Variants in RBM25 observed in about 807,000 individuals in gnomAD.
The protein encoded by RBM25 is RNA-binding protein 25.
RBM25 carries 19 observed loss-of-function variants against 120.7 expected under a neutral mutation model. That is an observed-to-expected ratio of 0.16 (90% CI 0.11 to 0.23). The LOEUF is 0.23. Ranked by LOEUF, RBM25 falls within the 10% of genes least tolerant of loss-of-function variation. RBM25 has a pLI of 1.00. For missense variants in RBM25, 605 were observed against 1,041.5 expected (o/e 0.58, Z 5.77); for synonymous variants, 390 against 326.7 (o/e 1.19, Z -2.09).
At chr14:73,095,075 C>G (rs548135416) in intron 6 of RBM25, among the ~76,000 whole-genome samples, 2 of 151,852 alleles carry the variant, frequency 1.3e-5, no homozygotes, top group Admixed American at 6.6e-5. Context: ...AGGCAGGTCT[C>G]GAACTCCTGA....
chr14:73,120,463 T>C lies in RBM25; in HGVS notation c.*658T>C, dbSNP rs1594941907. 6.5e-6 allele frequency: 1 copy of C among 152,686 alleles called. No individual in the cohort carries two copies. The highest frequency in any genetic ancestry group is 1.9e-4 in the East Asian group (1 of 5,202). 9.5% of individuals were successfully genotyped at this position (152,686 alleles called of 1,614,324 possible). On this transcript the variant is annotated 3_prime_UTR_variant, in exon 19 of 19. Coordinates refer to ENST00000261973, the MANE Select transcript of RBM25 (RefSeq NM_021239.3). ...CTGTTCCAACCTGAAATGTCTGTTATAATTAGGTTATTAGTTTCCCAGAGC... is the reference window on the plus strand; with the variant it reads ...CTGTTCCAACCTGAAATGTCTGTTACAATTAGGTTATTAGTTTCCCAGAGC...
intron 12 of RBM25, among the ~76,000 whole-genome samples, chr14:73,106,990 C>T (rs1394643752): frequency 6.6e-6 from 1 of 151,988 alleles, no homozygotes; most frequent in African/African-American, 2.4e-5. Context: ...CAGGCGTGTG[C>T]CACAACACCC....
intron 9 of RBM25, 54 bp from the exon 10 acceptor site, chr14:73,103,138 T>C: frequency 6.4e-7 from 1 of 1,562,486 alleles, no homozygotes. Flanking sequence ...CCGGGAAAAA[T>C]CTGAATACTG....
At chr14:73,093,955 T>C (rs989835883) in intron 6 of RBM25, among the ~76,000 whole-genome samples, 32 of 148,096 alleles carry the variant, frequency 2.2e-4, no homozygotes, top group Non-Finnish European at 3.1e-4. Flanking sequence ...TTTGTTTTTT[T>C]TTTTTTTTTT....
rs1896302515 is a variant in RBM25 at position 73,111,130 on chromosome 14, A to G, written c.1992A>G (p.Pro664=). Residue 664 remains proline (P), a synonymous_variant, in exon 15 of 19, where the codon CCA becomes CCG. Transcript: ENST00000261973. ...AACAGCAACCTGAGGAGCATAGGCC[A>G]AAAATAGGACTAAGTCTTAAACTGG... is the stretch of plus-strand genomic sequence containing the variant. ...PDQQQPEEHR[P]KIGLSLKLGA... The G allele has an allele frequency of 6.2e-7, 1 of 1,611,664 alleles. No individual in the cohort carries two copies. Among genetic ancestry groups the G allele is most frequent in the Admixed American group, 1.7e-5 (1 of 59,932 alleles).
chr14:73,096,983 T>C lies in RBM25; in HGVS notation c.612T>C (p.Asp204=). 1 of 1,613,658 alleles carries C rather than the reference T, an allele frequency of 6.2e-7. No homozygotes were observed. The highest frequency in any genetic ancestry group is 8.5e-7 in the Non-Finnish European group (1 of 1,179,900). ...TGGATGAAGAAACAAAGAGGAGAGA[T>C]CAGATGATTAAAGGGGCTATTGAAG... is the stretch of plus-strand genomic sequence containing the variant. ...EALDEETKRR[D]QMIKGAIEVL... The change falls in exon 7 of 19, where the codon GAT becomes GAC. Residue 204 remains aspartate, a synonymous_variant. Transcript: ENST00000261973.
Position 73,099,729 on chromosome 14 carries a change from C to T in RBM25, c.846C>T (p.Ser282=). The stretch of plus-strand genomic sequence containing the variant: ...GAGACCTGATATCTCGAGAGATCAG[C>T]AAATTCAGAGACACACATAAGGTAG... The part of the protein sequence containing the change: ...DKRDLISREI[S]KFRDTHKKLE... Residue 282 remains serine (S), a synonymous_variant, in exon 9 of 19, where the codon AGC becomes AGT. Coordinates refer to ENST00000261973, the MANE Select transcript of RBM25 (RefSeq NM_021239.3). The T allele has an allele frequency of 1.9e-6, 3 of 1,609,198 alleles. No individual in the cohort carries two copies. Among genetic ancestry groups the T allele is most frequent in the Non-Finnish European group, 1.7e-6 (2 of 1,178,826 alleles).
In RBM25 at chr14:73,109,235, C is replaced by G. The variant is rs530794890; in HGVS notation, c.1542-107C>G. ...AGAACATTAAGACATTCTTTAACCTCTTAGCATGCAGGTTGTAATGTTGAA... is the reference window on the plus strand; with the variant it reads ...AGAACATTAAGACATTCTTTAACCTGTTAGCATGCAGGTTGTAATGTTGAA... On this transcript the variant is annotated intron_variant, in intron 13 of 18. Transcript: ENST00000261973. 86 of 1,209,614 alleles carry G rather than the reference C, an allele frequency of 7.1e-5. No individual in the cohort carries two copies. The African/African-American group carries it at 1.2e-3, about 17-fold the overall frequency. The allele number at this position is 1,209,614 out of a possible 1,614,324, so 74.9% of individuals were successfully genotyped here. A position where few individuals can be genotyped will look rare whatever the true frequency, so the allele number is the denominator to read the frequency against.
intron 13 of RBM25, among the ~76,000 whole-genome samples, chr14:73,108,679 G>C (rs1224372309): frequency 6.6e-6 from 1 of 152,166 alleles, no homozygotes; most frequent in African/African-American, 2.4e-5. Context: ...TACAATCATA[G>C]TGAAGATATT....
chr14:73,078,745 C>T (rs1453303290), intron 4 of RBM25, among the ~76,000 whole-genome samples: 2 of 152,162 alleles, frequency 1.3e-5, no homozygotes, highest in Non-Finnish European at 2.9e-5. Context: ...GCTGGGATTA[C>T]AGGCGCGTGC....
At chr14:73,097,550 G>T (rs906215922) in intron 7 of RBM25, among the ~76,000 whole-genome samples, 1 of 151,960 alleles carries the variant, frequency 6.6e-6, no homozygotes, top group Non-Finnish European at 1.5e-5. Flanking sequence ...TTCTAGGCTG[G>T]TCTCCAACTC....
chr14:73,063,257 C>T (rs1405527786), intron 1 of RBM25, among the ~76,000 whole-genome samples: 1 of 151,240 alleles, frequency 6.6e-6, no homozygotes, highest in Non-Finnish European at 1.5e-5. Flanking sequence ...TCACGCCATT[C>T]TCCTGCCTCA....
At chr14:73,077,935 G>T (rs1393758858) in intron 4 of RBM25, among the ~76,000 whole-genome samples, 2 of 152,164 alleles carry the variant, frequency 1.3e-5, no homozygotes, top group African/African-American at 4.8e-5. Flanking sequence ...CAAGGCTGAG[G>T]CAGGAGGATC....
At chr14:73,075,188 T>A (rs1181130553) in intron 2 of RBM25, among the ~76,000 whole-genome samples, 1 of 151,696 alleles carries the variant, frequency 6.6e-6, no homozygotes, top group African/African-American at 2.4e-5. Context: ...TGGTACAGAG[T>A]CTTGCACCTG....
chr14:73,080,213 C>CTTTTTTTTTTT lies in RBM25; in HGVS notation c.324+2695_324+2705dup. Among the ~76,000 whole-genome samples the CTTTTTTTTTTT allele has an allele frequency of 1.2e-3, 82 of 67,194 alleles. 14 individuals carry two copies. Among genetic ancestry groups the CTTTTTTTTTTT allele is most frequent in the African/African-American group, 1.6e-3 (25 of 15,802 alleles). 44.1% of individuals were successfully genotyped at this position (67,194 alleles called of 152,430 possible). On this transcript the variant is annotated intron_variant, in intron 4 of 18. Transcript: ENST00000261973. Reference sequence around the variant, plus strand: ...TGTCCGAGTTTCTATTCTTACACATCTTTTTTTTTTTTTTTTTTTTTTTTT... The same window carrying CTTTTTTTTTTT: ...TGTCCGAGTTTCTATTCTTACACATCTTTTTTTTTTTTTTTTTTTTTTTTTTTTTTTTTTTT...
chr14:73,106,328 T>C (rs750114449), intron 12 of RBM25, 43 bp downstream of exon 12: 54 of 1,464,746 alleles, frequency 3.7e-5, no homozygotes, highest in Non-Finnish European at 4.3e-5. Flanking sequence ...AGGTAAAAAG[T>C]CAGATTGTAT....
intron 2 of RBM25, among the ~76,000 whole-genome samples, chr14:73,074,271 G>T (rs543967844): frequency 4.4e-4 from 67 of 152,170 alleles, no homozygotes; most frequent in African/African-American, 1.4e-3. Context: ...CAGGCTGGGG[G>T]TACAGTGGCA....
intron 2 of RBM25, among the ~76,000 whole-genome samples, chr14:73,074,334 C>T (rs1227314492): frequency 2.0e-5 from 3 of 152,136 alleles, no homozygotes; most frequent in African/African-American, 7.2e-5. Context: ...ATCCTCCTGC[C>T]TCAGCCTACT....
Position 73,071,547 on chromosome 14 carries a change from A to C in RBM25, c.-15-80A>C, listed in dbSNP as rs1252723614. 8.8e-6 allele frequency: 9 copies of C among 1,027,246 alleles called. No individual in the cohort carries two copies. In the East Asian group the frequency reaches 2.3e-4, roughly 26 times the overall value. 63.6% of individuals were successfully genotyped at this position (1,027,246 alleles called of 1,614,324 possible). The stretch of plus-strand genomic sequence containing the variant: ...AGTTCAGAATTTTGCAGATACTCTA[A>C]AAATGAAAGTCAACAAAGAAGGCAT... On this transcript the variant is annotated intron_variant, in intron 1 of 18. Transcript: ENST00000261973.
Sources: gnomAD v4.1 joint callset for allele counts (sites outside exome capture counted in the v4.1 genomes callset) on GRCh38, gnomAD v4.1.1 for gene constraint, MANE v1.5 for transcripts, NCBI Gene and HGNC (gene_info 2026-07-23, HGNC 2026-07-21) for gene names.